Variants in PTGER4 observed in about 807,000 individuals in gnomAD.
The protein encoded by PTGER4 is prostaglandin E receptor 4.
PTGER4 carries 11 observed loss-of-function variants against 33.2 expected under a neutral mutation model. That is an observed-to-expected ratio of 0.33 (90% CI 0.21 to 0.55). The LOEUF is 0.55. Ranked by LOEUF, PTGER4 falls within the 20% of genes least tolerant of loss-of-function variation. The pLI, the probability that PTGER4 is intolerant of heterozygous loss-of-function variation, is 0.92. For synonymous variants in PTGER4, 275 were observed against 281.5 expected, an observed-to-expected ratio of 0.98 and a Z score of 0.23; for missense variants, 481 against 650.2, an observed-to-expected ratio of 0.74 and a Z score of 2.83.
downstream of PTGER4, among the ~76,000 whole-genome samples, chr5:40,697,378 G>C (rs1433843690): frequency 6.6e-6 from 1 of 151,984 alleles, no homozygotes; most frequent in Non-Finnish European, 1.5e-5. Flanking sequence ...CTGAGGTCAG[G>C]AGTTCAAAAC....
intron 2 of PTGER4, chr5:40,685,483 G>C: frequency 1.0e-6 from 1 of 983,768 alleles, no homozygotes; most frequent in Non-Finnish European, 1.2e-6. Context: ...CACAAATTTG[G>C]GTATGACTAT....
At chr5:40,729,971 T>C in the PTGER4 span, among the ~76,000 whole-genome samples, 1 of 152,182 alleles carries the variant, frequency 6.6e-6, no homozygotes, top group East Asian at 1.9e-4. Flanking sequence ...ATTGCTGGGA[T>C]TACAGACGTG....
At chr5:40,740,946 T>A in the PTGER4 span, among the ~76,000 whole-genome samples, 1 of 152,240 alleles carries the variant, frequency 6.6e-6, no homozygotes, top group African/African-American at 2.4e-5. Flanking sequence ...TTTTAATATA[T>A]CTTCCATTTC....
At chr5:40,712,280 C>A in the PTGER4 span, among the ~76,000 whole-genome samples, 2 of 150,412 alleles carry the variant, frequency 1.3e-5, no homozygotes, top group South Asian at 2.1e-4. Flanking sequence ...TTAAAAAAAA[C>A]CTCTAAAATT....
chr5:40,741,931 G>A, the PTGER4 span, among the ~76,000 whole-genome samples: 1 of 152,142 alleles, frequency 6.6e-6, no homozygotes, highest in African/African-American at 2.4e-5. Context: ...AGAGGTTACA[G>A]TGAGCCGAGA....
At chr5:40,689,266 A>G (rs1741407202) in intron 2 of PTGER4, among the ~76,000 whole-genome samples, 1 of 152,222 alleles carries the variant, frequency 6.6e-6, no homozygotes, top group Admixed American at 6.5e-5. Context: ...AAGGAAATGA[A>G]CAAAAATCTT....
At chr5:40,745,679 A>G in the PTGER4 span, among the ~76,000 whole-genome samples, 1 of 151,200 alleles carries the variant, frequency 6.6e-6, no homozygotes, top group Admixed American at 6.6e-5. Flanking sequence ...ACAAGCCACC[A>G]CACACAGCCA....
chr5:40,723,253 A>G, the PTGER4 span, among the ~76,000 whole-genome samples: 1 of 152,066 alleles, frequency 6.6e-6, no homozygotes, highest in African/African-American at 2.4e-5. Context: ...CTTAAGAGTC[A>G]TCACCACTCC....
chr5:40,693,318 A>C lies in PTGER4; in HGVS notation c.*940A>C. 1 of 978,548 alleles carries C rather than the reference A, an allele frequency of 1.0e-6. No homozygotes were observed. The highest frequency in any genetic ancestry group is 1.2e-6 in the Non-Finnish European group (1 of 823,480). 60.6% of individuals were successfully genotyped at this position (978,548 alleles called of 1,614,324 possible). On this transcript the variant is annotated 3_prime_UTR_variant, in exon 3 of 3. Transcript: ENST00000302472. ...CATAATTGAAGTGTATAATATAAAAAATTTTAAAAATCTAAGCAGCTTATT... is the reference window on the plus strand; with the variant it reads ...CATAATTGAAGTGTATAATATAAAACATTTTAAAAATCTAAGCAGCTTATT...
the PTGER4 span, among the ~76,000 whole-genome samples, chr5:40,729,456 T>C: frequency 6.6e-6 from 1 of 152,222 alleles, no homozygotes; most frequent in Non-Finnish European, 1.5e-5. Flanking sequence ...CAGACTTTCC[T>C]ACAAAATATT....
chr5:40,727,946 T>C, the PTGER4 span, among the ~76,000 whole-genome samples: 1 of 152,204 alleles, frequency 6.6e-6, no homozygotes, highest in Non-Finnish European at 1.5e-5. Context: ...TTGTATAGAC[T>C]TGATAAACGG....
At chr5:40,682,113 A>G (rs1271582987) in intron 2 of PTGER4, among the ~76,000 whole-genome samples, 1 of 151,454 alleles carries the variant, frequency 6.6e-6, no homozygotes, top group African/African-American at 2.4e-5. Flanking sequence ...TTCTTTCTCC[A>G]CCGAGACAGC....
downstream of PTGER4, among the ~76,000 whole-genome samples, chr5:40,697,232 AAGAAAGAAAGAAAGAAAG>A (rs1483024579): frequency 2.2e-5 from 1 of 44,936 alleles, no homozygotes; most frequent in Admixed American, 3.5e-4. Context: ...GAAGAAAAGA[AAGAAAGAAAGAAAGAAAG>A]AAAGAAAGAA....
chr5:40,686,184 C>T (rs770333837), intron 2 of PTGER4, among the ~76,000 whole-genome samples: 13 of 152,174 alleles, frequency 8.5e-5, no homozygotes, highest in Non-Finnish European at 1.8e-4. Flanking sequence ...CAGATAATTC[C>T]TTTTATGTGC....
the PTGER4 span, among the ~76,000 whole-genome samples, chr5:40,726,460 ATC>A: frequency 1.3e-5 from 2 of 151,122 alleles, no homozygotes; most frequent in African/African-American, 4.9e-5. Context: ...ATTTTGAGTC[ATC>A]TTTTTTTTTT....
At chr5:40,718,144 T>C in the PTGER4 span, among the ~76,000 whole-genome samples, 6 of 150,834 alleles carry the variant, frequency 4.0e-5, no homozygotes, top group African/African-American at 1.2e-4. Context: ...GACAGATACA[T>C]GATGGCTCAC....
intron 2 of PTGER4, among the ~76,000 whole-genome samples, chr5:40,688,238 AACCAAAATTCT>A: frequency 6.6e-6 from 1 of 152,178 alleles, no homozygotes; most frequent in Non-Finnish European, 1.5e-5. Flanking sequence ...GTTCAGACTT[AACCAAAATTCT>A]GTTCTGCGAG....
At position 40,681,315 on chromosome 5, in the gene PTGER4, A is replaced by G. The variant is rs1741181226; in HGVS notation, c.322A>G (p.Ser108Gly). ...ILLFFSLSGL[S>G]IICAMSVERY... ...GCTCTTCTTCAGCCTGTCCGGCCTC[A>G]GCATCATCTGCGCCATGAGTGTCGA... The change falls in exon 2 of 3, where the codon AGC becomes GGC. Residue 108 changes from serine (S) to glycine (G), a missense_variant. Ser to Gly is a moderately conservative substitution (Grantham distance 56). Around this residue, in one of 7 missense-constraint regions of PTGER4, gnomAD observed 61 missense variants for 145.2 expected, o/e 0.42. Coordinates refer to ENST00000302472, the MANE Select transcript of PTGER4 (RefSeq NM_000958.3). The surrounding 1 kb of genome is among the most constrained non-coding windows in gnomAD (Gnocchi z 9.8). 4 of 1,614,080 alleles carry G rather than the reference A, an allele frequency of 2.5e-6. No individual in the cohort carries two copies. In the African/African-American group the frequency reaches 4.0e-5, roughly 16 times the overall value.
Position 40,681,531 on chromosome 5 carries a change from G to A in PTGER4, c.538G>A (p.Ala180Thr), listed in dbSNP as rs776232927. 2.0e-5 allele frequency: 32 copies of A among 1,612,624 alleles called. No homozygotes were observed. The highest frequency in any genetic ancestry group is 2.7e-5 in the Non-Finnish European group (32 of 1,180,036). Residue 180 changes from alanine (A) to threonine (T), a missense_variant, in exon 2 of 3, where the codon GCG becomes ACG. Coordinates refer to ENST00000302472, the MANE Select transcript of PTGER4 (RefSeq NM_000958.3). The surrounding 1 kb of genome is among the most constrained non-coding windows in gnomAD (Gnocchi z 9.8). ...CATCGACTGGACCACCAACGTGACG[G>A]CGCACGCCGCCTACTCCTACATGTA... ...CFIDWTTNVT[A>T]HAAYSYMYAG... is the part of the protein sequence containing the mutation.
Sources: allele counts gnomAD v4.1 joint callset (sites outside exome capture counted in the v4.1 genomes callset), GRCh38; gene constraint gnomAD v4.1.1; regional missense constraint gnomAD v4.1.1; non-coding constraint Gnocchi (gnomAD v3.1); transcripts MANE v1.5; gene names NCBI Gene and HGNC (gene_info 2026-07-23, HGNC 2026-07-21).